BIRC3: variants seen among roughly 807,000 people sequenced by gnomAD.
BIRC3 encodes the protein baculoviral IAP repeat-containing protein 3.
A neutral mutation model predicts 59.0 loss-of-function variants in BIRC3; 26 were observed. The ratio of observed to expected loss-of-function variants is 0.44; its 90% CI spans 0.32 to 0.61. BIRC3 has a LOEUF of 0.61. Among genes scored for constraint, BIRC3 ranks in the 20% least tolerant of loss-of-function variants. The pLI, the probability that BIRC3 is intolerant of heterozygous loss-of-function variation, is 0.04. For synonymous variants in BIRC3, 243 were observed against 249.2 expected (o/e 0.98, Z 0.24); for missense variants, 641 against 711.5 (o/e 0.90, Z 1.13).
chr11:102,325,348 G>A lies in BIRC3; in HGVS notation c.839G>A (p.Gly280Asp). The A allele has an allele frequency of 1.3e-6, 2 of 1,595,322 alleles. No homozygotes were observed. Among genetic ancestry groups the A allele is most frequent in the South Asian group, 1.1e-5 (1 of 87,762 alleles). ...LVNPEQLASA[G>D]FYYVGNSDDV... ...AATCCTGAGCAGCTTGCAAGTGCGG[G>A]TTTTTATTATGTGGGTAAGAAACTG... Residue 280 changes from glycine to aspartate, a missense_variant, in exon 2 of 9, where the codon GGT (glycine) becomes GAT (aspartate). Gly to Asp is a moderately conservative substitution (Grantham distance 94). This residue lies in a region of BIRC3 where 329 missense variants were observed against 365.6 expected (regional missense o/e 0.90). Coordinates refer to ENST00000263464, the MANE Select transcript of BIRC3 (RefSeq NM_001165.5).
chr11:102,338,737 C>T lies in BIRC3; in HGVS notation c.*1635C>T, dbSNP rs1272228492. On this transcript the variant is annotated 3_prime_UTR_variant, in exon 9 of 9. Coordinates refer to ENST00000263464, the MANE Select transcript of BIRC3 (RefSeq NM_001165.5). ...AGAATTTATTTATGGCCAGCTCTTACATAGTTAGGTGAGGAAAGATTAGAG... is the reference window on the plus strand; with the variant it reads ...AGAATTTATTTATGGCCAGCTCTTATATAGTTAGGTGAGGAAAGATTAGAG... 8.8e-6 allele frequency: 2 copies of T among 227,926 alleles called. No homozygotes were observed. Among genetic ancestry groups the T allele is most frequent in the Non-Finnish European group, 1.7e-5 (2 of 114,824 alleles). The allele number at this position is 227,926 out of a possible 1,614,324, so 14.1% of individuals were successfully genotyped here. A position where few individuals can be genotyped will look rare whatever the true frequency, so the allele number is the denominator to read the frequency against.
chr11:102,327,949 A>T (rs1256665172), intron 3 of BIRC3, 103 bp from the exon 4 acceptor site: 6 of 826,380 alleles, frequency 7.3e-6, no homozygotes, highest in Non-Finnish European at 1.9e-6. Flanking sequence ...AAACAACCAG[A>T]TTTGAAATGG....
chr11:102,327,918 A>G, intron 3 of BIRC3, 134 bp from the exon 4 acceptor site: 1 of 634,196 alleles, frequency 1.6e-6, no homozygotes, highest in Non-Finnish European at 2.7e-6. Flanking sequence ...AATGATCTTA[A>G]ATGATTCTGT....
At chr11:102,331,303 GA>G in intron 6 of BIRC3, 62 bp downstream of exon 6, 1 of 1,446,990 alleles carries the variant, frequency 6.9e-7, no homozygotes, top group Non-Finnish European at 9.1e-7. Flanking sequence ...TATATGTTAT[GA>G]AAAATATACT....
chr11:102,331,912 A>G (rs1951146282), intron 6 of BIRC3, among the ~76,000 whole-genome samples: 1 of 152,210 alleles, frequency 6.6e-6, no homozygotes, highest in Non-Finnish European at 1.5e-5. Flanking sequence ...AAGTGCTGGG[A>G]TTACAGGCAT....
In BIRC3 at chr11:102,335,978, T is replaced by C. The variant is rs1395199228; in HGVS notation, c.1337T>C (p.Leu446Ser). 1 of 1,603,320 alleles carries C rather than the reference T, an allele frequency of 6.2e-7. No homozygotes were observed. Among genetic ancestry groups the C allele is most frequent in the Non-Finnish European group, 8.5e-7 (1 of 1,176,262 alleles). The change falls in exon 7 of 9, where the codon TTA becomes TCA. Residue 446 changes from leucine (L) to serine (S), a missense_variant. By Grantham distance (145) the Leu-to-Ser change is moderately radical. Around this residue, in one of 4 missense-constraint regions of BIRC3, gnomAD observed 268 missense variants for 255.7 expected, o/e 1.05. Coordinates refer to ENST00000263464, the MANE Select transcript of BIRC3 (RefSeq NM_001165.5). The stretch of plus-strand genomic sequence containing the variant: ...CTTTTTTATAAAGATGATTTATTAT[T>C]AATCCGGAAGAATAGAATGGCACTT... ...TEEKESNDLL[L>S]IRKNRMALFQ... is the part of the protein sequence containing the mutation.
rs1333297618 is a variant in BIRC3 at position 102,322,513 on chromosome 11, G to A, written c.-1997G>A. On this transcript the variant is annotated 5_prime_UTR_variant, in exon 2 of 9. Transcript: ENST00000263464. ...GATGAGGATGAGAATGATGGTTGAAGGTTACATTTTAGGAAATGAAGAAAC... is the reference window on the plus strand; with the variant it reads ...GATGAGGATGAGAATGATGGTTGAAAGTTACATTTTAGGAAATGAAGAAAC... The A allele has an allele frequency of 4.9e-6, 1 of 206,154 alleles. No homozygotes were observed. Among genetic ancestry groups the A allele is most frequent in the Non-Finnish European group, 9.9e-6 (1 of 101,110 alleles). The allele number at this position is 206,154 out of a possible 1,614,324, so 12.8% of individuals were successfully genotyped here. A position where few individuals can be genotyped will look rare whatever the true frequency, so the allele number is the denominator to read the frequency against.
Position 102,336,930 on chromosome 11 carries a change from T to G in BIRC3, c.1643T>G (p.Leu548Trp). ...DVSDLPVEEQ[L>W]RRLQEERTCK... ...CTAGATCTACCAGTGGAAGAACAAT[T>G]GCGGAGACTACAAGAAGAAAGAACA... The change falls in exon 9 of 9, where the codon TTG (leucine) becomes TGG (tryptophan). Residue 548 changes from leucine (L) to tryptophan (W), a missense_variant. Coordinates refer to ENST00000263464, the MANE Select transcript of BIRC3 (RefSeq NM_001165.5). 6.2e-7 allele frequency: 1 copy of G among 1,602,102 alleles called. No homozygotes were observed. The highest frequency in any genetic ancestry group is 8.5e-7 in the Non-Finnish European group (1 of 1,177,400).
At chr11:102,329,275 A>G (rs1951114897) in intron 5 of BIRC3, among the ~76,000 whole-genome samples, 1 of 152,204 alleles carries the variant, frequency 6.6e-6, no homozygotes, top group East Asian at 1.9e-4. Context: ...GAGCAGATGT[A>G]CTATGATATT....
In BIRC3 at chr11:102,322,440, T is replaced by C. The variant is rs1951039825; in HGVS notation, c.-2070T>C. The C allele has an allele frequency of 4.8e-6, 1 of 206,818 alleles. No homozygotes were observed. Among genetic ancestry groups the C allele is most frequent in the African/African-American group, 2.3e-5 (1 of 43,954 alleles). The allele number at this position is 206,818 out of a possible 1,614,324, so 12.8% of individuals were successfully genotyped here. A position where few individuals can be genotyped will look rare whatever the true frequency, so the allele number is the denominator to read the frequency against. ...CCAGTTATTTACAAGGCCACTGATA[T>C]TTTAAACGTCCAAAAGTTTGTTTAA... On this transcript the variant is annotated 5_prime_UTR_variant, in exon 2 of 9. Coordinates refer to ENST00000263464, the MANE Select transcript of BIRC3 (RefSeq NM_001165.5).
intron 6 of BIRC3, 38 bp from the exon 7 acceptor site, chr11:102,335,928 G>A: frequency 6.4e-7 from 1 of 1,573,818 alleles, no homozygotes; most frequent in South Asian, 1.2e-5. Flanking sequence ...TGTGAGCAGA[G>A]TTTGAACATG....
In BIRC3 at chr11:102,324,707, C is replaced by A; in HGVS notation, c.198C>A (p.Cys66Ter). 6.2e-7 allele frequency: 1 copy of A among 1,614,160 alleles called. No individual in the cohort carries two copies. Among genetic ancestry groups the A allele is most frequent in the Non-Finnish European group, 8.5e-7 (1 of 1,180,016 alleles). ...YYTGVNDKVK[C>*]FCCGLMLDNW... ...CTGGTGTGAATGACAAGGTCAAATG[C>A]TTCTGTTGTGGCCTGATGCTGGATA... is the stretch of plus-strand genomic sequence containing the variant. Residue 66 changes from cysteine (C) to a stop codon, truncating the protein, a stop_gained, in exon 2 of 9, where the codon TGC becomes TGA. Transcript: ENST00000263464. LOFTEE classifies it high-confidence loss of function.
At chr11:102,334,170 C>G (rs1004904878) in intron 6 of BIRC3, among the ~76,000 whole-genome samples, 2 of 152,064 alleles carry the variant, frequency 1.3e-5, no homozygotes, top group Non-Finnish European at 2.9e-5. Context: ...ACTTCAACAC[C>G]AAGTTTGTAT....
intron 4 of BIRC3, among the ~76,000 whole-genome samples, chr11:102,328,500 T>C (rs768946048): frequency 6.6e-6 from 1 of 152,190 alleles, no homozygotes; most frequent in Non-Finnish European, 1.5e-5. Flanking sequence ...ACATAATAGT[T>C]TGATGGTCAA....
chr11:102,328,858 T>TTATA (rs35083591), intron 4 of BIRC3, 39 bp from the exon 5 acceptor site: 185 of 605,642 alleles, frequency 3.1e-4, no homozygotes, highest in South Asian at 3.7e-4. Context: ...CTATTTTAAT[T>TTATA]TATATATATA....
rs1481844237 is a variant in BIRC3, at chr11:102,328,904, C to T, written c.1040C>T (p.Ser347Phe). 1.5e-6 allele frequency: 2 copies of T among 1,341,472 alleles called. No homozygotes were observed. Among genetic ancestry groups the T allele is most frequent in the Non-Finnish European group, 1.9e-6 (2 of 1,032,122 alleles). 83.1% of individuals were successfully genotyped at this position (1,341,472 alleles called of 1,614,324 possible). ...SYPHLLEQLLSTSDSPGDENA... is the reference protein window; with the variant it reads ...SYPHLLEQLLFTSDSPGDENA... ...TATTTTTTTTTTCTGCAGCTGCTAT[C>T]CACATCAGACAGCCCAGGAGATGAA... The change falls in exon 5 of 9, where the codon TCC becomes TTC. Residue 347 changes from serine to phenylalanine, a missense_variant. Ser to Phe is a radical substitution (Grantham distance 155). Transcript: ENST00000263464.
intron 6 of BIRC3, among the ~76,000 whole-genome samples, chr11:102,334,069 TAAATTTTAG>T (rs1951172823): frequency 6.6e-6 from 1 of 152,204 alleles, no homozygotes; most frequent in Non-Finnish European, 1.5e-5. Flanking sequence ...TACTAGCAAT[TAAATTTTAG>T]AAATCTTAAG....
intron 6 of BIRC3, among the ~76,000 whole-genome samples, chr11:102,334,632 T>A (rs1299411041): frequency 6.6e-6 from 1 of 152,232 alleles, no homozygotes; most frequent in African/African-American, 2.4e-5. Flanking sequence ...TCATTAGTTA[T>A]TTTTTAGAAA....
chr11:102,336,065 A>C lies in BIRC3; in HGVS notation c.1424A>C (p.Asn475Thr), dbSNP rs1046482558. The change falls in exon 7 of 9, where the codon AAT becomes ACT. Residue 475 changes from asparagine (N) to threonine (T), a missense_variant. Transcript: ENST00000263464. ...AGTCTACTAACTGCCGGAATTATTA[A>C]TGAACAAGAACATGATGTTATTAAA... is the stretch of plus-strand genomic sequence containing the variant. ...LDSLLTAGII[N>T]EQEHDVIKQK... 1.2e-6 allele frequency: 2 copies of C among 1,613,918 alleles called. No homozygotes were observed. Among genetic ancestry groups the C allele is most frequent in the Non-Finnish European group, 1.7e-6 (2 of 1,179,934 alleles).
Sources: allele counts gnomAD v4.1 joint callset (sites outside exome capture counted in the v4.1 genomes callset), GRCh38; gene constraint gnomAD v4.1.1; regional missense constraint gnomAD v4.1.1; transcripts MANE v1.5; gene names NCBI Gene and HGNC (gene_info 2026-07-23, HGNC 2026-07-21).